Variants in CGRRF1 observed in about 807,000 individuals in gnomAD.
The protein encoded by CGRRF1 is cell growth regulator with RING finger domain protein 1.
In CGRRF1, 32 loss-of-function variants were observed where a neutral mutation model predicts 37.2. The ratio of observed to expected loss-of-function variants is 0.86; its 90% CI spans 0.65 to 1.16. The LOEUF (loss-of-function observed/expected upper bound fraction) is 1.16, where lower values mean the gene tolerates loss of function less well. Ranked by LOEUF, CGRRF1 falls within the 50% of genes most tolerant of loss-of-function variation. The pLI, the probability that CGRRF1 is intolerant of heterozygous loss-of-function variation, is 0.00. For synonymous variants in CGRRF1, 141 were observed against 140.3 expected (o/e 1.00, Z -0.04); for missense variants, 391 against 382.6 (o/e 1.02, Z -0.18).
At chr14:54,535,516 A>G (rs975835821) in intron 4 of CGRRF1, among the ~76,000 whole-genome samples, 1 of 152,198 alleles carries the variant, frequency 6.6e-6, no homozygotes, top group Non-Finnish European at 1.5e-5. Flanking sequence ...TGCCACCTCT[A>G]GAAGCATGCA....
chr14:54,526,144 ATTTTTTT>A (rs745596386), intron 2 of CGRRF1, among the ~76,000 whole-genome samples: 4 of 107,068 alleles, frequency 3.7e-5, no homozygotes, highest in Non-Finnish European at 7.4e-5. Flanking sequence ...TATATTTAAG[ATTTTTTT>A]TTTTTTTTTT....
intron 2 of CGRRF1, among the ~76,000 whole-genome samples, chr14:54,527,353 C>G (rs1333532750): frequency 6.6e-6 from 1 of 151,984 alleles, no homozygotes; most frequent in Admixed American, 6.6e-5. Context: ...AGAGATATAC[C>G]TAATGCTAAA....
chr14:54,537,830 G>C lies in CGRRF1; in HGVS notation c.678+1G>C, dbSNP rs760569494. On this transcript the variant is annotated splice_donor_variant, in intron 5 of 5. Transcript: ENST00000216420. LOFTEE classifies it high-confidence loss of function. The stretch of plus-strand genomic sequence containing the variant: ...TCAAGGTCAATTTCATGATCTTAAG[G>C]TAAGCCGTACTCTGTAGTCTTATCT... 1 of 1,600,286 alleles carries C rather than the reference G, an allele frequency of 6.2e-7. No homozygotes were observed. Among genetic ancestry groups the C allele is most frequent in the African/African-American group, 1.3e-5 (1 of 74,104 alleles).
At position 54,509,950 on chromosome 14, in the gene CGRRF1, C is replaced by A. The variant is rs759894263; in HGVS notation, c.-10C>A. 1.9e-6 allele frequency: 3 copies of A among 1,602,488 alleles called. No individual in the cohort carries two copies. Among genetic ancestry groups the A allele is most frequent in the East Asian group, 2.2e-5 (1 of 44,836 alleles). ...GGCTGGAGCCGGGCTCTACCCAGAGCAAGACCCTGATGGCTGCGGTGTTTC... is the reference window on the plus strand; with the variant it reads ...GGCTGGAGCCGGGCTCTACCCAGAGAAAGACCCTGATGGCTGCGGTGTTTC... On this transcript the variant is annotated 5_prime_UTR_variant, in exon 1 of 6. Coordinates refer to ENST00000216420, the MANE Select transcript of CGRRF1 (RefSeq NM_006568.3).
At chr14:54,510,528 G>T (rs150826786) in intron 1 of CGRRF1, among the ~76,000 whole-genome samples, 3 of 152,344 alleles carry the variant, frequency 2.0e-5, no homozygotes, top group African/African-American at 7.2e-5. Flanking sequence ...CTTAGCCTCA[G>T]ATCTTTCAGA....
At position 54,522,460 on chromosome 14, in the gene CGRRF1, T is replaced by C. The variant is rs2032333536; in HGVS notation, c.111T>C (p.Gly37=). Reference sequence around the variant, plus strand: ...ATTTTTTACCTTTTTTTAGGTTTGGTTGGGATGTTCCAGTAATTCTGAGAA... The same window carrying C: ...ATTTTTTACCTTTTTTTAGGTTTGGCTGGGATGTTCCAGTAATTCTGAGAA... ...VTTGLVLGWF[G]WDVPVILRNS... The change falls in exon 2 of 6, where the codon GGT becomes GGC. Residue 37 remains glycine (G), a synonymous_variant. Coordinates refer to ENST00000216420, the MANE Select transcript of CGRRF1 (RefSeq NM_006568.3). 2 of 1,564,220 alleles carry C rather than the reference T, an allele frequency of 1.3e-6. No homozygotes were observed. Among genetic ancestry groups the C allele is most frequent in the East Asian group, 2.3e-5 (1 of 43,660 alleles).
At chr14:54,512,937 T>G (rs2032153704) in intron 1 of CGRRF1, among the ~76,000 whole-genome samples, 1 of 152,246 alleles carries the variant, frequency 6.6e-6, no homozygotes, top group Non-Finnish European at 1.5e-5. Flanking sequence ...CTTCCTGCTG[T>G]TACTACTTCT....
intron 4 of CGRRF1, among the ~76,000 whole-genome samples, chr14:54,534,709 G>A (rs1399598480): frequency 6.6e-6 from 1 of 152,056 alleles, no homozygotes; most frequent in Non-Finnish European, 1.5e-5. Flanking sequence ...ATTTATGTAT[G>A]TATGTGTGTA....
intron 4 of CGRRF1, chr14:54,536,174 T>C (rs1192214895): frequency 2.6e-5 from 4 of 152,226 alleles, no homozygotes; most frequent in Non-Finnish European, 5.9e-5. Flanking sequence ...TACTCTATGC[T>C]ACATATGCTG....
In CGRRF1 at chr14:54,538,218, G is replaced by C. The variant is rs746787349; in HGVS notation, c.834G>C (p.Gln278His). Residue 278 changes from glutamine (Q) to histidine (H), a missense_variant, in exon 6 of 6, where the codon CAG becomes CAC. Physicochemically the swap from Gln to His is conservative, Grantham distance 24 (BLOSUM62 0). Transcript: ENST00000216420. ...ACAGCAAGGACTGTGTTGTTTGCCA[G>C]AATGGGACTGTGAACTGGGTACTCT... ...EENSKDCVVC[Q>H]NGTVNWVLLP... 1.9e-6 allele frequency: 3 copies of C among 1,614,084 alleles called. No homozygotes were observed. The Admixed American group carries it at 5.0e-5, about 27-fold the overall frequency.
chr14:54,509,982 C>T lies in CGRRF1; in HGVS notation c.23C>T (p.Thr8Met). 6.2e-7 allele frequency: 1 copy of T among 1,613,740 alleles called. No homozygotes were observed. The highest frequency in any genetic ancestry group is 8.5e-7 in the Non-Finnish European group (1 of 1,179,622). MAAVFLV[T>M]LYEYSPLFYI... ...CTGATGGCTGCGGTGTTTCTGGTAA[C>T]GCTTTATGAATACTCGCCGCTTTTC... The change falls in exon 1 of 6, where the codon ACG becomes ATG. Residue 8 changes from threonine (T) to methionine (M), a missense_variant. Coordinates refer to ENST00000216420, the MANE Select transcript of CGRRF1 (RefSeq NM_006568.3).
chr14:54,511,355 T>C (rs1031035584), intron 1 of CGRRF1, among the ~76,000 whole-genome samples: 2 of 152,212 alleles, frequency 1.3e-5, no homozygotes, highest in African/African-American at 4.8e-5. Flanking sequence ...AGACCAATCT[T>C]ACACAATTGG....
intron 3 of CGRRF1, chr14:54,530,509 A>C: frequency 7.8e-7 from 1 of 1,285,360 alleles, no homozygotes; most frequent in Non-Finnish European, 1.0e-6. Flanking sequence ...AAGCATGTTT[A>C]TTGCTTCAGA....
chr14:54,524,782 C>T (rs2032384895), intron 2 of CGRRF1, among the ~76,000 whole-genome samples: 1 of 152,084 alleles, frequency 6.6e-6, no homozygotes. Context: ...CGGCCACTCC[C>T]CTCCCCGCTC....
intron 2 of CGRRF1, among the ~76,000 whole-genome samples, chr14:54,524,782 C>G (rs2032384895): frequency 6.6e-6 from 1 of 152,084 alleles, no homozygotes; most frequent in South Asian, 2.1e-4. Flanking sequence ...CGGCCACTCC[C>G]CTCCCCGCTC....
At chr14:54,535,097 G>A (rs1050835755) in intron 4 of CGRRF1, among the ~76,000 whole-genome samples, 2 of 151,990 alleles carry the variant, frequency 1.3e-5, no homozygotes, top group Non-Finnish European at 2.9e-5. Context: ...AGTTGCATAC[G>A]TGATGATTCT....
chr14:54,524,699 A>C (rs2032383302), intron 2 of CGRRF1, among the ~76,000 whole-genome samples: 1 of 152,126 alleles, frequency 6.6e-6, no homozygotes, highest in Non-Finnish European at 1.5e-5. Context: ...GGCCCCAAAA[A>C]GTACAAAATT....
At chr14:54,532,555 G>GTA (rs1038393343) in intron 4 of CGRRF1, among the ~76,000 whole-genome samples, 4 of 151,928 alleles carry the variant, frequency 2.6e-5, no homozygotes, top group Admixed American at 6.6e-5. Flanking sequence ...ATTTCACTAG[G>GTA]TATATATATA....
chr14:54,532,884 T>TTC (rs1284191391), intron 4 of CGRRF1, among the ~76,000 whole-genome samples: 2 of 152,034 alleles, frequency 1.3e-5, no homozygotes, highest in African/African-American at 4.8e-5. Flanking sequence ...TGTCTCCTAT[T>TTC]TCTAGCTTCT....
Sources: allele counts gnomAD v4.1 joint callset (sites outside exome capture counted in the v4.1 genomes callset), GRCh38; gene constraint gnomAD v4.1.1; transcripts MANE v1.5; gene names NCBI Gene and HGNC (gene_info 2026-07-23, HGNC 2026-07-21).